SEZ6L: variants seen among roughly 807,000 people sequenced by gnomAD.
The protein encoded by SEZ6L is seizure related 6 homolog like, also known as seizure 6-like protein.
In SEZ6L, 37 loss-of-function variants were observed where a neutral mutation model predicts 106.2. The ratio of observed to expected loss-of-function variants is 0.35; its 90% CI spans 0.27 to 0.46. SEZ6L has a LOEUF of 0.46. Ranked by LOEUF, SEZ6L falls within the 20% of genes least tolerant of loss-of-function variation. The probability of loss-of-function intolerance (pLI) is 1.00; values close to 1 mark genes in which losing one functional copy is unlikely to be tolerated. For missense variants in SEZ6L, 1,172 were observed against 1,332.8 expected (o/e 0.88, Z 1.88); for synonymous variants, 541 against 570.4 (o/e 0.95, Z 0.73).
At chr22:26,246,368 A>C (rs2079344937) in intron 1 of SEZ6L, among the ~76,000 whole-genome samples, 1 of 152,202 alleles carries the variant, frequency 6.6e-6, no homozygotes, top group African/African-American at 2.4e-5. Context: ...TGTAATAGAC[A>C]CTCACATTTG....
intron 1 of SEZ6L, among the ~76,000 whole-genome samples, chr22:26,203,914 C>A (rs763396606): frequency 6.6e-6 from 1 of 152,110 alleles, no homozygotes; most frequent in Non-Finnish European, 1.5e-5. Flanking sequence ...GATGTTTCAA[C>A]TTTTATTTCT....
Position 26,382,208 on chromosome 22 carries a change from C to A in SEZ6L, c.*1913C>A. ...GCAAGAACCAGAGAAGTGTTCTAGG[C>A]CATTAGTGGACAATGTCATGTTTGG... On this transcript the variant is annotated 3_prime_UTR_variant, in exon 17 of 17. Coordinates refer to ENST00000248933, the MANE Select transcript of SEZ6L (RefSeq NM_021115.5). 6.8e-6 allele frequency: 2 copies of A among 292,170 alleles called. No individual in the cohort carries two copies. The highest frequency in any genetic ancestry group is 1.4e-5 in the Non-Finnish European group (2 of 144,174). The allele number at this position is 292,170 out of a possible 1,614,324, so 18.1% of individuals were successfully genotyped here.
chr22:26,284,469 G>A (rs1331346914), intron 1 of SEZ6L, among the ~76,000 whole-genome samples: 1 of 151,920 alleles, frequency 6.6e-6, no homozygotes, highest in Admixed American at 6.6e-5. Context: ...TATTAGCCGG[G>A]CATGTTGGCT....
chr22:26,321,447 T>C (rs983802575), intron 9 of SEZ6L, among the ~76,000 whole-genome samples: 3 of 152,126 alleles, frequency 2.0e-5, no homozygotes, highest in African/African-American at 7.2e-5. Flanking sequence ...AGGAAAAGGG[T>C]TTAAGCACTT....
At chr22:26,213,286 G>A (rs527278803) in intron 1 of SEZ6L, among the ~76,000 whole-genome samples, 2 of 151,508 alleles carry the variant, frequency 1.3e-5, no homozygotes, top group South Asian at 4.2e-4. Flanking sequence ...CCTAATACAA[G>A]GAAGCAAGGA....
At chr22:26,287,496 G>GA (rs938595729) in intron 1 of SEZ6L, among the ~76,000 whole-genome samples, 36 of 151,736 alleles carry the variant, frequency 2.4e-4, no homozygotes, top group South Asian at 8.3e-4. Flanking sequence ...TAAATGTTCT[G>GA]AAAAAAAATG....
At chr22:26,257,039 T>C (rs2079844967) in intron 1 of SEZ6L, among the ~76,000 whole-genome samples, 1 of 152,154 alleles carries the variant, frequency 6.6e-6, no homozygotes, top group African/African-American at 2.4e-5. Context: ...CCAAGGGACA[T>C]ACGGAAATGT....
At chr22:26,332,707 C>T (rs931170548) in intron 9 of SEZ6L, among the ~76,000 whole-genome samples, 5 of 152,224 alleles carry the variant, frequency 3.3e-5, no homozygotes, top group Non-Finnish European at 5.9e-5. Context: ...CTTGGCCTCC[C>T]AAAATGCTGG....
chr22:26,223,366 C>G (rs2078536701), intron 1 of SEZ6L, among the ~76,000 whole-genome samples: 1 of 152,200 alleles, frequency 6.6e-6, no homozygotes, highest in South Asian at 2.1e-4. Flanking sequence ...GATGAATCCT[C>G]CATATACTCC....
At chr22:26,277,954 G>T (rs2080606364) in intron 1 of SEZ6L, among the ~76,000 whole-genome samples, 2 of 152,206 alleles carry the variant, frequency 1.3e-5, no homozygotes, top group Admixed American at 6.5e-5. Flanking sequence ...TCCAAGTAAC[G>T]ATAATAGCCT....
At chr22:26,321,263 A>G (rs1299363115) in intron 9 of SEZ6L, among the ~76,000 whole-genome samples, 1 of 152,186 alleles carries the variant, frequency 6.6e-6, no homozygotes, top group African/African-American at 2.4e-5. Flanking sequence ...CTGTGATCGC[A>G]CAGCTAGAAG....
At chr22:26,310,502 C>T (rs769868575) in intron 6 of SEZ6L, among the ~76,000 whole-genome samples, 168 bp from the exon 7 acceptor site, 2 of 152,056 alleles carry the variant, frequency 1.3e-5, no homozygotes, top group African/African-American at 4.8e-5. Flanking sequence ...CACCATTGAA[C>T]TCCAGGCTGG....
At chr22:26,251,663 C>A (rs2079592930) in intron 1 of SEZ6L, among the ~76,000 whole-genome samples, 1 of 152,186 alleles carries the variant, frequency 6.6e-6, no homozygotes, top group Admixed American at 6.5e-5. Flanking sequence ...GCTAAGGCAG[C>A]AAAGTGCCTG....
chr22:26,300,999 G>T (rs118054600), intron 5 of SEZ6L, among the ~76,000 whole-genome samples: 57 of 152,014 alleles, frequency 3.7e-4, no homozygotes, highest in Non-Finnish European at 6.6e-4. Context: ...TTTCTTTCTT[G>T]TGCTCTGAGT....
chr22:26,293,907 A>G (rs1214002732), intron 2 of SEZ6L, among the ~76,000 whole-genome samples: 1 of 152,156 alleles, frequency 6.6e-6, no homozygotes, highest in African/African-American at 2.4e-5. Context: ...TGGATTTTGG[A>G]CAAGTGCAAT....
chr22:26,338,867 C>CTTTTT lies in SEZ6L; in HGVS notation c.2016-1556_2016-1552dup, dbSNP rs71192914. On this transcript the variant is annotated intron_variant, in intron 9 of 16. Coordinates refer to ENST00000248933, the MANE Select transcript of SEZ6L (RefSeq NM_021115.5). Reference sequence around the variant, plus strand: ...CACCACGCCCGGACTTTTTTTTTTTCTTTTTTTTTTTTTTTTTGTAGAGAC... The same window carrying CTTTTT: ...CACCACGCCCGGACTTTTTTTTTTTCTTTTTTTTTTTTTTTTTTTTTTGTAGAGAC... Among the ~76,000 whole-genome samples the CTTTTT allele has an allele frequency of 3.4e-4, 30 of 87,482 alleles. 1 individual carries two copies. Among genetic ancestry groups the CTTTTT allele is most frequent in the African/African-American group, 1.2e-3 (24 of 20,412 alleles). 57.4% of individuals were successfully genotyped at this position (87,482 alleles called of 152,430 possible).
At chr22:26,179,791 C>T (rs944539324) in intron 1 of SEZ6L, among the ~76,000 whole-genome samples, 1 of 152,198 alleles carries the variant, frequency 6.6e-6, no homozygotes, top group African/African-American at 2.4e-5. Context: ...TGCCTAACTC[C>T]TCTGCTCACT....
intron 10 of SEZ6L, 99 bp from the exon 11 acceptor site, chr22:26,347,620 G>A (rs568668663): frequency 3.0e-6 from 3 of 1,003,448 alleles, no homozygotes; most frequent in Non-Finnish European, 4.2e-6. Context: ...ATTTCTAGAG[G>A]CTTTTTTTTC....
chr22:26,316,902 G>GAAAGAAAGAAA (rs1221112549), intron 9 of SEZ6L, among the ~76,000 whole-genome samples: 30 of 126,716 alleles, frequency 2.4e-4, no homozygotes, highest in African/African-American at 6.7e-4. Context: ...GAGAAAGAAA[G>GAAAGAAAGAAA]AAGAAAGAAA....
Sources: allele counts gnomAD v4.1 joint callset (sites outside exome capture counted in the v4.1 genomes callset), GRCh38; gene constraint gnomAD v4.1.1; transcripts MANE v1.5; gene names NCBI Gene and HGNC (gene_info 2026-07-23, HGNC 2026-07-21).